The following WWTR1 variants were observed in gnomAD, a reference collection of about 807,000 sequenced individuals.
WWTR1 encodes WW domain containing transcription regulator 1, also known as WW domain-containing transcription regulator protein 1.
Under a neutral mutation model 40.1 loss-of-function variants are expected in WWTR1, and 13 were observed. That is an observed-to-expected ratio of 0.32 (90% CI 0.21 to 0.52). The LOEUF is 0.52. Ranked by LOEUF, WWTR1 falls within the 20% of genes least tolerant of loss-of-function variation. WWTR1 has a pLI of 0.97. For missense variants in WWTR1, 436 were observed against 523.1 expected (o/e 0.83, Z 1.63); for synonymous variants, 230 against 210.1 (o/e 1.09, Z -0.82).
At chr3:149,527,272 C>A (rs577275804) in intron 5 of WWTR1, among the ~76,000 whole-genome samples, 1 of 151,774 alleles carries the variant, frequency 6.6e-6, no homozygotes, top group Non-Finnish European at 1.5e-5. Flanking sequence ...CTCAGCCTCC[C>A]GAGTAGCTGG....
At chr3:149,639,993 C>CA (rs1215330406) in intron 2 of WWTR1, among the ~76,000 whole-genome samples, 35,289 of 75,912 alleles carry the variant, frequency 0.46, 8,402 homozygotes, top group Middle Eastern at 0.67. Context: ...GACTCCGTCT[C>CA]AAAAAAAAAA....
chr3:149,595,192 C>T (rs868539561), intron 2 of WWTR1, among the ~76,000 whole-genome samples: 21 of 151,770 alleles, frequency 1.4e-4, no homozygotes, highest in Admixed American at 6.6e-4. Context: ...AATCTCTTAA[C>T]CTCGTGATCC....
intron 5 of WWTR1, among the ~76,000 whole-genome samples, chr3:149,714,583 CA>C (rs1559848315): frequency 1.3e-5 from 2 of 152,352 alleles, no homozygotes; most frequent in East Asian, 1.9e-4. Flanking sequence ...GGAGGGAGAC[CA>C]GGGGGTGCTG....
At chr3:149,630,922 C>A (rs1711526022) in intron 2 of WWTR1, among the ~76,000 whole-genome samples, 1 of 152,190 alleles carries the variant, frequency 6.6e-6, no homozygotes, top group South Asian at 2.1e-4. Flanking sequence ...ACAAGGTTCA[C>A]AATCTAATGA....
At chr3:149,543,522 C>T (rs1736221006) in intron 3 of WWTR1, among the ~76,000 whole-genome samples, 1 of 129,206 alleles carries the variant, frequency 7.7e-6, no homozygotes, top group Non-Finnish European at 1.5e-5. Context: ...GCGGAGGTTG[C>T]AGTGAGCCGA....
Position 149,524,875 on chromosome 3 carries a change from A to G in WWTR1, c.1018+1138T>C, listed in dbSNP as rs71304475. On this transcript the variant is annotated intron_variant, in intron 6 of 6. Transcript: ENST00000360632. ...TCAACACAAAACAATTACTTTCGTC[A>G]ATGATAATGGAGAAGGAACTTTCAT... Among the ~76,000 whole-genome samples the G allele has an allele frequency of 1.2e-3, 184 of 152,350 alleles. 2 individuals are homozygous for G. The highest frequency in any genetic ancestry group is 1.9e-3 in the Non-Finnish European group (130 of 68,026).
chr3:149,656,785 T>TCACA (rs1373516706), intron 2 of WWTR1, 91 bp downstream of exon 2: 46,192 of 852,240 alleles, frequency 0.054, 1,701 homozygotes, highest in Admixed American at 0.099. Context: ...TCTCTCTCTC[T>TCACA]CTCTCTCACA....
intron 3 of WWTR1, among the ~76,000 whole-genome samples, chr3:149,546,325 A>G (rs951747480): frequency 5.3e-5 from 8 of 152,274 alleles, no homozygotes; most frequent in African/African-American, 1.9e-4. Context: ...AGTATTGTTT[A>G]TAATTGCAAA....
At chr3:149,535,083 C>G (rs1235445523) in intron 4 of WWTR1, among the ~76,000 whole-genome samples, 1 of 152,166 alleles carries the variant, frequency 6.6e-6, no homozygotes, top group African/African-American at 2.4e-5. Context: ...AGCTCCTGCC[C>G]TCACCAGAAT....
At chr3:149,721,776 C>T (rs1037684379) in intron 4 of WWTR1, among the ~76,000 whole-genome samples, 1 of 152,286 alleles carries the variant, frequency 6.6e-6, no homozygotes, top group Non-Finnish European at 1.5e-5. Context: ...GTTGCCCAGG[C>T]TGGTCTTGAA....
intron 2 of WWTR1, among the ~76,000 whole-genome samples, chr3:149,631,441 A>C (rs998555547): frequency 3.3e-5 from 5 of 152,140 alleles, no homozygotes; most frequent in African/African-American, 1.2e-4. Context: ...GATCAAATTA[A>C]CATTTCATCT....
At chr3:149,530,787 C>T (rs1470866176) in intron 4 of WWTR1, among the ~76,000 whole-genome samples, 1 of 152,146 alleles carries the variant, frequency 6.6e-6, no homozygotes, top group Non-Finnish European at 1.5e-5. Flanking sequence ...TGATGTTTCC[C>T]TAACTACCCT....
upstream of WWTR1, among the ~76,000 whole-genome samples, chr3:149,661,570 C>T (rs577522754): frequency 6.6e-6 from 1 of 151,878 alleles, no homozygotes; most frequent in Non-Finnish European, 1.5e-5. Context: ...TACAGACGTG[C>T]ACCACCACGC....
At chr3:149,522,077 A>C (rs1392565091) in intron 6 of WWTR1, among the ~76,000 whole-genome samples, 1 of 152,256 alleles carries the variant, frequency 6.6e-6, no homozygotes, top group Non-Finnish European at 1.5e-5. Context: ...CAACAGGTTA[A>C]TTCAAAAAGT....
chr3:149,569,330 GATA>G (rs995350146), intron 3 of WWTR1, among the ~76,000 whole-genome samples: 3 of 152,062 alleles, frequency 2.0e-5, no homozygotes, highest in Admixed American at 6.6e-5. Flanking sequence ...TAAAAATAAT[GATA>G]ATAAACATAT....
At chr3:149,687,099 C>G (rs1021131105) in intron 1 of WWTR1, among the ~76,000 whole-genome samples, 2 of 152,184 alleles carry the variant, frequency 1.3e-5, no homozygotes, top group African/African-American at 4.8e-5. Flanking sequence ...CAGTCTCCCC[C>G]AGGCCTTCCC....
chr3:149,580,581 A>T (rs1738099386), intron 2 of WWTR1, among the ~76,000 whole-genome samples: 1 of 152,118 alleles, frequency 6.6e-6, no homozygotes, highest in Non-Finnish European at 1.5e-5. Context: ...ACCCGACCTG[A>T]TCATGTTTGT....
rs563658190 is a variant in WWTR1 at position 149,594,950 on chromosome 3, C to CTTTTTTTTTTTT, written c.432-21962_432-21951dup. On this transcript the variant is annotated intron_variant, in intron 2 of 6. Coordinates refer to ENST00000360632, the MANE Select transcript of WWTR1 (RefSeq NM_015472.6). The stretch of plus-strand genomic sequence containing the variant: ...CATATTGCCTATAACCTCTTTTTTA[C>CTTTTTTTTTTTT]TTTTTTTTTTTTTTTTTTTTTTTTT... Among the ~76,000 whole-genome samples the CTTTTTTTTTTTT allele has an allele frequency of 1.9e-3, 115 of 61,778 alleles. 15 individuals carry two copies. The highest frequency in any genetic ancestry group is 2.4e-3 in the Non-Finnish European group (70 of 29,044). The allele number at this position is 61,778 out of a possible 152,430, so 40.5% of individuals were successfully genotyped here. A position where few individuals can be genotyped will look rare whatever the true frequency, so the allele number is the denominator to read the frequency against.
chr3:149,653,496 A>T (rs1426907635), intron 2 of WWTR1, among the ~76,000 whole-genome samples: 1 of 152,232 alleles, frequency 6.6e-6, no homozygotes. Context: ...GGTGGGCACC[A>T]CCATGCCCTA....
Sources: allele counts gnomAD v4.1 joint callset (sites outside exome capture counted in the v4.1 genomes callset), GRCh38; gene constraint gnomAD v4.1.1; transcripts MANE v1.5; gene names NCBI Gene and HGNC (gene_info 2026-07-23, HGNC 2026-07-21).